Variants in COL21A1 observed in about 807,000 individuals in gnomAD.
COL21A1 encodes the protein collagen alpha-1(XXI) chain.
COL21A1 carries 149 observed loss-of-function variants against 137.9 expected under a neutral mutation model. The ratio of observed to expected loss-of-function variants is 1.08; its 90% CI spans 0.95 to 1.24. The LOEUF is 1.24. Among genes scored for constraint, COL21A1 ranks in the 50% most tolerant of loss-of-function variants. The pLI, the probability that COL21A1 is intolerant of heterozygous loss-of-function variation, is 0.00. For synonymous variants in COL21A1, 456 were observed against 391.5 expected (o/e 1.16, Z -1.95); for missense variants, 1,167 against 1,158.4 (o/e 1.01, Z -0.11).
chr6:56,189,405 G>A (rs1778513441), intron 1 of COL21A1, among the ~76,000 whole-genome samples: 1 of 151,864 alleles, frequency 6.6e-6, no homozygotes. Context: ...AAAGTGAAAA[G>A]ACAAGATTAG....
At chr6:56,229,061 T>C (rs1457330182) in intron 1 of COL21A1, among the ~76,000 whole-genome samples, 1 of 152,002 alleles carries the variant, frequency 6.6e-6, no homozygotes, top group Non-Finnish European at 1.5e-5. Context: ...TATTTTTTGA[T>C]GCTTTCCAAC....
At chr6:56,177,660 T>C (rs975528439) in intron 3 of COL21A1, among the ~76,000 whole-genome samples, 2 of 151,296 alleles carry the variant, frequency 1.3e-5, no homozygotes, top group Non-Finnish European at 2.9e-5. Context: ...CCGGGCGTGG[T>C]GGGCGCCTGT....
chr6:56,146,355 G>C (rs1199044030), intron 10 of COL21A1, among the ~76,000 whole-genome samples: 1 of 152,098 alleles, frequency 6.6e-6, no homozygotes, highest in African/African-American at 2.4e-5. Context: ...GAATCTTCTA[G>C]TTGTTGTTGG....
In COL21A1 at chr6:56,059,027, A is replaced by G. The variant is rs143824566; in HGVS notation, c.2686+138T>C. 3.3e-5 allele frequency: 22 copies of G among 657,672 alleles called. No individual in the cohort carries two copies. In the African/African-American group the frequency reaches 3.9e-4, roughly 12 times the overall value. 40.7% of individuals were successfully genotyped at this position (657,672 alleles called of 1,614,324 possible). A position where few individuals can be genotyped will look rare whatever the true frequency, so the allele number is the denominator to read the frequency against. The stretch of plus-strand genomic sequence containing the variant: ...TATATGAAAAAATATTCCAGAAGTT[A>G]GACTTCAGTGTGTTAAATGTGAATC... On this transcript the variant is annotated intron_variant, in intron 29 of 29. Transcript: ENST00000244728.
At chr6:56,386,926 A>C (rs1160221200) in intron 1 of COL21A1, among the ~76,000 whole-genome samples, 2 of 152,218 alleles carry the variant, frequency 1.3e-5, no homozygotes, top group African/African-American at 2.4e-5. Flanking sequence ...GAAAGGGAGA[A>C]GTGAAAGCCC....
chr6:56,206,510 C>G (rs564427133), intron 1 of COL21A1, among the ~76,000 whole-genome samples: 20 of 151,584 alleles, frequency 1.3e-4, no homozygotes, highest in African/African-American at 4.8e-4. Context: ...GGAGACCTAC[C>G]AAGAGATGTA....
chr6:56,252,624 AT>A (rs1782879968), intron 1 of COL21A1, among the ~76,000 whole-genome samples: 5 of 152,190 alleles, frequency 3.3e-5, no homozygotes, highest in Admixed American at 3.3e-4. Flanking sequence ...TTTCCTTTTC[AT>A]ATATTAATCT....
At chr6:56,352,902 G>A (rs976669347) in intron 1 of COL21A1, among the ~76,000 whole-genome samples, 3 of 152,054 alleles carry the variant, frequency 2.0e-5, no homozygotes, top group Non-Finnish European at 2.9e-5. Context: ...TTAGCTGGGC[G>A]TGGTGGCGCA....
intron 1 of COL21A1, among the ~76,000 whole-genome samples, chr6:56,209,023 C>G (rs1379310026): frequency 6.6e-6 from 1 of 151,970 alleles, no homozygotes; most frequent in South Asian, 2.1e-4. Context: ...AAAAAATTAA[C>G]CCAAGATGGA....
chr6:56,200,246 T>A (rs571701566), intron 1 of COL21A1, among the ~76,000 whole-genome samples: 1 of 152,168 alleles, frequency 6.6e-6, no homozygotes, highest in African/African-American at 2.4e-5. Flanking sequence ...TAGAATTGTT[T>A]TTCCTAAATG....
At chr6:56,074,518 ATTGC>A (rs1314195990) in intron 19 of COL21A1, among the ~76,000 whole-genome samples, 1 of 151,504 alleles carries the variant, frequency 6.6e-6, no homozygotes, top group Non-Finnish European at 1.5e-5. Flanking sequence ...TTATGATTCT[ATTGC>A]TTACAAAAAC....
At chr6:56,142,947 A>G (rs1561911809) in intron 10 of COL21A1, among the ~76,000 whole-genome samples, 1 of 152,134 alleles carries the variant, frequency 6.6e-6, no homozygotes, top group African/African-American at 2.4e-5. Flanking sequence ...GGGTGTCTGC[A>G]CTGGTCTTCA....
intron 17 of COL21A1, among the ~76,000 whole-genome samples, chr6:56,086,731 A>T (rs568889388): frequency 2.1e-4 from 32 of 152,156 alleles, no homozygotes; most frequent in Non-Finnish European, 4.3e-4. Flanking sequence ...TTTCTGCCCG[A>T]TTTTTTGCTT....
chr6:56,161,842 TA>T lies in COL21A1; in HGVS notation c.1371+2580del, dbSNP rs559334709. 4.5e-3 allele frequency among the ~76,000 whole-genome samples: 682 copies of T among 152,012 alleles called. 6 individuals are homozygous for T. The highest frequency in any genetic ancestry group is 0.015 in the African/African-American group (624 of 41,456). ...TATTTTCCAGAAATCTAAAGAACTTTAAAAAAAATAACTATCTTAGAATCAG... is the reference window on the plus strand; with the variant it reads ...TATTTTCCAGAAATCTAAAGAACTTTAAAAAAATAACTATCTTAGAATCAG... On this transcript the variant is annotated intron_variant, in intron 9 of 29. Transcript: ENST00000244728.
intron 24 of COL21A1, among the ~76,000 whole-genome samples, chr6:56,062,240 T>C (rs1052147097): frequency 2.0e-5 from 3 of 152,096 alleles, no homozygotes; most frequent in African/African-American, 7.2e-5. Context: ...AGAAGCAATG[T>C]CATCTAAAAG....
chr6:56,098,637 AAATATATATAAATATATAAAT>A (rs1444463120), intron 17 of COL21A1, among the ~76,000 whole-genome samples: 1 of 50,304 alleles, frequency 2.0e-5, no homozygotes, highest in African/African-American at 1.0e-4. Context: ...ATATATATAT[AAATATATATAAATATATAAAT>A]ATATATAAAT....
intron 12 of COL21A1, among the ~76,000 whole-genome samples, chr6:56,134,140 G>T (rs573213663): frequency 6.6e-6 from 1 of 152,330 alleles, no homozygotes; most frequent in African/African-American, 2.4e-5. Context: ...CTCAATGCCA[G>T]ACTGTGAAAG....
chr6:56,184,662 A>G (rs1185204739), intron 1 of COL21A1, among the ~76,000 whole-genome samples: 1 of 152,220 alleles, frequency 6.6e-6, no homozygotes, highest in African/African-American at 2.4e-5. Context: ...CAAAAAGACA[A>G]TATGCTGGAG....
intron 1 of COL21A1, among the ~76,000 whole-genome samples, chr6:56,321,077 A>C (rs530293799): frequency 6.6e-6 from 1 of 152,318 alleles, no homozygotes; most frequent in South Asian, 2.1e-4. Flanking sequence ...ATCCACTAGG[A>C]GTACAGAACT....
Sources: gnomAD v4.1 joint callset for allele counts (sites outside exome capture counted in the v4.1 genomes callset) on GRCh38, gnomAD v4.1.1 for gene constraint, MANE v1.5 for transcripts, NCBI Gene and HGNC (gene_info 2026-07-23, HGNC 2026-07-21) for gene names.